RNF144B: variants seen among roughly 807,000 people sequenced by gnomAD.
The protein encoded by RNF144B is E3 ubiquitin-protein ligase RNF144B.
A neutral mutation model predicts 40.2 loss-of-function variants in RNF144B; 25 were observed. The observed-to-expected ratio is 0.62, with a 90% CI of 0.45 to 0.87. The LOEUF (loss-of-function observed/expected upper bound fraction) is 0.87, where lower values mean the gene tolerates loss of function less well. RNF144B is among the 40% of genes least tolerant of loss of function. The probability of loss-of-function intolerance (pLI) is 0.00; values close to 1 mark genes in which losing one functional copy is unlikely to be tolerated. For missense variants in RNF144B, 365 were observed against 373.7 expected (o/e 0.98, Z 0.19); for synonymous variants, 145 against 136.3 (o/e 1.06, Z -0.44).
chr6:18,426,941 T>C (rs1183845033), intron 2 of RNF144B, among the ~76,000 whole-genome samples: 1 of 151,524 alleles, frequency 6.6e-6, no homozygotes, highest in African/African-American at 2.4e-5. Flanking sequence ...CTCCTTAACA[T>C]GGCATCCACC....
intron 2 of RNF144B, among the ~76,000 whole-genome samples, chr6:18,415,458 A>G (rs1221042558): frequency 6.6e-6 from 1 of 152,074 alleles, no homozygotes; most frequent in Non-Finnish European, 1.5e-5. Context: ...GACAGAAGAG[A>G]TGGAAGGGCA....
intron 2 of RNF144B, among the ~76,000 whole-genome samples, chr6:18,424,472 T>G (rs1490352949): frequency 1.3e-5 from 2 of 152,218 alleles, no homozygotes; most frequent in Non-Finnish European, 1.5e-5. Flanking sequence ...TATGTGTACT[T>G]AAACCCTGGA....
At chr6:18,451,420 T>C (rs1314626515) in intron 4 of RNF144B, among the ~76,000 whole-genome samples, 1 of 152,168 alleles carries the variant, frequency 6.6e-6, no homozygotes, top group African/African-American at 2.4e-5. Context: ...TTACTTACGA[T>C]ATGAGTTCCG....
At chr6:18,409,817 G>A (rs1016907011) in intron 2 of RNF144B, among the ~76,000 whole-genome samples, 2 of 151,976 alleles carry the variant, frequency 1.3e-5, no homozygotes, top group African/African-American at 4.8e-5. Context: ...TGACCTGCCC[G>A]CCTTGTCTTC....
Position 18,446,225 on chromosome 6 carries a change from A to G in RNF144B, c.331+6481A>G, listed in dbSNP as rs1340301848. 1.3e-5 allele frequency among the ~76,000 whole-genome samples: 2 copies of G among 152,238 alleles called. No homozygotes were observed. The highest frequency in any genetic ancestry group is 2.1e-4 in the South Asian group (1 of 4,832). On this transcript the variant is annotated intron_variant, in intron 4 of 7. Coordinates refer to ENST00000259939, the MANE Select transcript of RNF144B (RefSeq NM_182757.4). The surrounding 1 kb of genome is among the most constrained non-coding windows in gnomAD (Gnocchi z 4.7). ...GTGTATAATCTGTTACATGAGGTAT[A>G]TAAGACAAAACTATTCTCTTAATGG...
intron 2 of RNF144B, among the ~76,000 whole-genome samples, chr6:18,408,914 T>C (rs1254125468): frequency 1.3e-5 from 2 of 148,992 alleles, no homozygotes; most frequent in Admixed American, 6.8e-5. Flanking sequence ...TGGTAATGCC[T>C]CCACCTATAT....
chr6:18,468,523 C>T lies in RNF144B; in HGVS notation c.*3456C>T, dbSNP rs1759620382. On this transcript the variant is annotated 3_prime_UTR_variant, in exon 8 of 8. Coordinates refer to ENST00000259939, the MANE Select transcript of RNF144B (RefSeq NM_182757.4). The stretch of plus-strand genomic sequence containing the variant: ...AATGTAAATCACCATTTCTTGGAAC[C>T]CCACGTTTTTTCTTAAAAATTATTC... The T allele has an allele frequency of 6.6e-6, 1 of 152,066 alleles. No individual in the cohort carries two copies. The highest frequency in any genetic ancestry group is 6.6e-5 in the Admixed American group (1 of 15,256). 9.4% of individuals were successfully genotyped at this position (152,066 alleles called of 1,614,324 possible).
In RNF144B at chr6:18,418,777, CATAAT is replaced by C. The variant is rs1249460711; in HGVS notation, c.166-8799_166-8795del. On this transcript the variant is annotated intron_variant, in intron 2 of 7. Coordinates refer to ENST00000259939, the MANE Select transcript of RNF144B (RefSeq NM_182757.4). The surrounding 1 kb of genome is among the most constrained non-coding windows in gnomAD (Gnocchi z 5.2). ...TGAATTATATCTCAATAAAACATGA[CATAAT>C]ATAAAATATATAATATTTACATATC... is the stretch of plus-strand genomic sequence containing the variant. Among the ~76,000 whole-genome samples, 5 of 151,520 alleles carry C rather than the reference CATAAT, an allele frequency of 3.3e-5. No individual in the cohort carries two copies. The highest frequency in any genetic ancestry group is 1.9e-4 in the East Asian group (1 of 5,174).
chr6:18,395,398 T>C lies in RNF144B; in HGVS notation c.-36-4101T>C, dbSNP rs932409762. 1.3e-5 allele frequency among the ~76,000 whole-genome samples: 2 copies of C among 152,134 alleles called. No individual in the cohort carries two copies. Among genetic ancestry groups the C allele is most frequent in the Non-Finnish European group, 2.9e-5 (2 of 68,028 alleles). On this transcript the variant is annotated intron_variant, in intron 1 of 7. Coordinates refer to ENST00000259939, the MANE Select transcript of RNF144B (RefSeq NM_182757.4). The surrounding 1 kb of genome is among the most constrained non-coding windows in gnomAD (Gnocchi z 4.5). ...GGCTCTACTATTGGGGGTTTCATGCTGTGAAGACCGGTGAATAGTAATATG... is the reference window on the plus strand; with the variant it reads ...GGCTCTACTATTGGGGGTTTCATGCCGTGAAGACCGGTGAATAGTAATATG...
chr6:18,463,623 A>G (rs577086633), intron 7 of RNF144B, among the ~76,000 whole-genome samples: 1 of 152,350 alleles, frequency 6.6e-6, no homozygotes, highest in East Asian at 1.9e-4. Flanking sequence ...GGCAGTCAAC[A>G]GTGACGTGCA....
In RNF144B at chr6:18,395,100, CACAG is replaced by C. The variant is rs1448548297; in HGVS notation, c.-36-4398_-36-4395del. On this transcript the variant is annotated intron_variant, in intron 1 of 7. Transcript: ENST00000259939. This position sits in a 1 kb window ranked among gnomAD's most constrained non-coding sequence, Gnocchi z 4.5. ...GGGGTTCTTGACACTCGGTGAGAGG[CACAG>C]TCACATCTATAATCACTGTAAAAGT... Among the ~76,000 whole-genome samples, 1 of 152,222 alleles carries C rather than the reference CACAG, an allele frequency of 6.6e-6. No homozygotes were observed. The highest frequency in any genetic ancestry group is 1.5e-5 in the Non-Finnish European group (1 of 68,044).
rs574403838 is a variant in RNF144B at position 18,465,215 on chromosome 6, C to T, written c.*148C>T. The stretch of plus-strand genomic sequence containing the variant: ...TTTGAACTTGCCTGCCAGCCTTCAG[C>T]ATCAGGAAAGGCCAAGTCCTGGGTG... On this transcript the variant is annotated 3_prime_UTR_variant, in exon 8 of 8. Transcript: ENST00000259939. The T allele has an allele frequency of 3.9e-6, 3 of 760,804 alleles. No individual in the cohort carries two copies. The highest frequency in any genetic ancestry group is 1.8e-5 in the South Asian group (1 of 54,458). 47.1% of individuals were successfully genotyped at this position (760,804 alleles called of 1,614,324 possible).
At chr6:18,463,629 G>A (rs772596313) in intron 7 of RNF144B, among the ~76,000 whole-genome samples, 5 of 152,234 alleles carry the variant, frequency 3.3e-5, no homozygotes, top group East Asian at 3.8e-4. Flanking sequence ...CAACAGTGAC[G>A]TGCAGAATGC....
At chr6:18,461,930 T>C (rs959558841) in intron 6 of RNF144B, among the ~76,000 whole-genome samples, 9 of 152,154 alleles carry the variant, frequency 5.9e-5, no homozygotes, top group African/African-American at 2.2e-4. Flanking sequence ...CTCACCCCTG[T>C]AGTTTCAGAG....
Position 18,439,736 on chromosome 6 carries a change from T to C in RNF144B, c.323T>C (p.Phe108Ser), listed in dbSNP as rs1229558160. ...TTTCAACTTTATCAGAGGTTAAAAT[T>C]TGAAAGAGGTATGAACTCTTCTTTT... The part of the protein sequence containing the change: ...DQFQLYQRLK[F>S]EREVHLDPYR... Residue 108 changes from phenylalanine to serine, a missense_variant, in exon 4 of 8, where the codon TTT (phenylalanine) becomes TCT (serine). Physicochemically the swap from Phe to Ser is radical, Grantham distance 155. Transcript: ENST00000259939. 18 of 1,607,180 alleles carry C rather than the reference T, an allele frequency of 1.1e-5. No homozygotes were observed. Among genetic ancestry groups the C allele is most frequent in the Non-Finnish European group, 1.5e-5 (18 of 1,173,898 alleles).
In RNF144B at chr6:18,450,008, A is replaced by G. The variant is rs1246546617; in HGVS notation, c.332-7147A>G. Among the ~76,000 whole-genome samples the G allele has an allele frequency of 1.3e-5, 2 of 152,164 alleles. No individual in the cohort carries two copies. Among genetic ancestry groups the G allele is most frequent in the Non-Finnish European group, 2.9e-5 (2 of 68,024 alleles). ...TTTGTGCTTTCAGACAGAGTTACCA[A>G]TTTCCCTTTTCTTATCCAAAAATGC... On this transcript the variant is annotated intron_variant, in intron 4 of 7. Transcript: ENST00000259939. The surrounding 1 kb of genome is among the most constrained non-coding windows in gnomAD (Gnocchi z 4.7).
chr6:18,427,512 G>A, intron 2 of RNF144B, 69 bp from the exon 3 acceptor site: 1 of 997,780 alleles, frequency 1.0e-6, no homozygotes, highest in Non-Finnish European at 1.6e-6. Context: ...ACACAGTGGT[G>A]GTTCTGTTAT....
At chr6:18,452,537 T>G (rs1458822969) in intron 4 of RNF144B, among the ~76,000 whole-genome samples, 1 of 152,164 alleles carries the variant, frequency 6.6e-6, no homozygotes, top group Non-Finnish European at 1.5e-5. Flanking sequence ...AAATGATTTT[T>G]CTAGGGGACA....
chr6:18,410,967 T>A lies in RNF144B; in HGVS notation c.165+11268T>A, dbSNP rs1448329273. On this transcript the variant is annotated intron_variant, in intron 2 of 7. Coordinates refer to ENST00000259939, the MANE Select transcript of RNF144B (RefSeq NM_182757.4). This position sits in a 1 kb window ranked among gnomAD's most constrained non-coding sequence, Gnocchi z 4.6. ...TCCATTTGGGATACTGTCAGCTTTC[T>A]TTTCTTTTTTTTTCTTCTTTTCTTT... Among the ~76,000 whole-genome samples the A allele has an allele frequency of 6.8e-6, 1 of 147,254 alleles. No homozygotes were observed. The highest frequency in any genetic ancestry group is 1.5e-5 in the Non-Finnish European group (1 of 67,214).
Sources: allele counts gnomAD v4.1 joint callset (sites outside exome capture counted in the v4.1 genomes callset), GRCh38; gene constraint gnomAD v4.1.1; non-coding constraint Gnocchi (gnomAD v3.1); transcripts MANE v1.5; gene names NCBI Gene and HGNC (gene_info 2026-07-23, HGNC 2026-07-21).